DDX42: variants seen among roughly 807,000 people sequenced by gnomAD.
DDX42 encodes the protein DEAD-box helicase 42.
A neutral mutation model predicts 101.5 loss-of-function variants in DDX42; 22 were observed. The ratio of observed to expected loss-of-function variants is 0.22; its 90% CI spans 0.15 to 0.31. The LOEUF is 0.31. Among genes scored for constraint, DDX42 ranks in the 10% least tolerant of loss-of-function variants. The pLI is 1.00. For missense variants in DDX42, 849 were observed against 1,199.9 expected, an observed-to-expected ratio of 0.71 and a Z score of 4.32; for synonymous variants, 402 against 401.2, an observed-to-expected ratio of 1.00 and a Z score of -0.02.
At chr17:63,787,869 A>G (rs922385972) in intron 2 of DDX42, among the ~76,000 whole-genome samples, 8 of 151,710 alleles carry the variant, frequency 5.3e-5, no homozygotes, top group Non-Finnish European at 1.2e-4. Context: ...CCATTGAAAC[A>G]TAAATATGGC....
intron 8 of DDX42, among the ~76,000 whole-genome samples, chr17:63,807,082 GA>G (rs2039851081): frequency 1.3e-5 from 2 of 152,060 alleles, no homozygotes; most frequent in South Asian, 4.1e-4. Context: ...CTTAAGGGGG[GA>G]AAATTTTTAA....
Position 63,787,237 on chromosome 17 carries a change from G to T in DDX42, c.188G>T (p.Gly63Val). The change falls in exon 2 of 18, where the codon GGA (glycine) becomes GTA (valine). Residue 63 changes from glycine (G) to valine (V), a missense_variant. Transcript: ENST00000389924. The part of the protein sequence containing the change: ...PPQLPSFYKI[G>V]SKRANFDEEN... ...CAGCTTCCTTCTTTCTACAAAATTG[G>T]ATCTAAGCGGGCCAACTTTGATGAA... 2 of 1,614,164 alleles carry T rather than the reference G, an allele frequency of 1.2e-6. No homozygotes were observed. The highest frequency in any genetic ancestry group is 1.7e-6 in the Non-Finnish European group (2 of 1,180,014).
intron 6 of DDX42, among the ~76,000 whole-genome samples, chr17:63,802,283 TA>T (rs1567739489): frequency 1.3e-5 from 2 of 152,220 alleles, no homozygotes; most frequent in African/African-American, 4.8e-5. Context: ...TTCTGTGTGA[TA>T]AAATGGGAAG....
intron 2 of DDX42, among the ~76,000 whole-genome samples, chr17:63,787,921 T>TTTGGGAGGCAGAGTTTTGC (rs1212309044): frequency 6.9e-6 from 1 of 144,806 alleles, no homozygotes; most frequent in Admixed American, 6.8e-5. Flanking sequence ...TTTTTTTTTT[T>TTTGGGAGGCAGAGTTTTGC]TGGAGGCAGA....
intron 1 of DDX42, among the ~76,000 whole-genome samples, chr17:63,776,689 C>T (rs2039425543): frequency 6.9e-6 from 1 of 144,780 alleles, no homozygotes; most frequent in South Asian, 2.2e-4. Flanking sequence ...TGGTCTTGAA[C>T]TCCTGAGCTC....
chr17:63,810,463 C>T (rs1282075439), intron 11 of DDX42, 50 bp from the exon 12 acceptor site: 1 of 1,592,526 alleles, frequency 6.3e-7, no homozygotes, highest in South Asian at 1.1e-5. Flanking sequence ...TTCCAGGCTT[C>T]CCAAACTGTA....
At chr17:63,804,656 C>T (rs969436243) in intron 6 of DDX42, among the ~76,000 whole-genome samples, 3 of 152,114 alleles carry the variant, frequency 2.0e-5, no homozygotes, top group Non-Finnish European at 4.4e-5. Context: ...TGTTCAAATT[C>T]GAGGTTTCCT....
chr17:63,791,993 G>C (rs961171954), intron 2 of DDX42, among the ~76,000 whole-genome samples: 5 of 151,088 alleles, frequency 3.3e-5, no homozygotes, highest in Admixed American at 1.3e-4. Flanking sequence ...GTTGCAGGGA[G>C]CCCAGATTGT....
At chr17:63,815,202 A>G (rs1019133584) in intron 15 of DDX42, among the ~76,000 whole-genome samples, 3 of 152,198 alleles carry the variant, frequency 2.0e-5, no homozygotes, top group Admixed American at 6.5e-5. Flanking sequence ...TTTACGTCCA[A>G]TAATACATGG....
In DDX42 at chr17:63,812,149, A is replaced by C. The variant is rs747288192; in HGVS notation, c.1616A>C (p.Lys539Thr). 14 of 1,614,130 alleles carry C rather than the reference A, an allele frequency of 8.7e-6. No homozygotes were observed. In the Admixed American group the frequency reaches 2.2e-4, roughly 25 times the overall value. The change falls in exon 14 of 18, where the codon AAG (lysine) becomes ACG (threonine). Residue 539 changes from lysine to threonine, a missense_variant. Coordinates refer to ENST00000389924, the MANE Select transcript of DDX42 (RefSeq NM_203499.3). ...GATATGGATCAGAGTGAGAGAAACA[A>C]GGTCATTTCAGACTTTAAGAAAAAG... ...HGDMDQSERN[K>T]VISDFKKKDI...
chr17:63,815,570 G>C lies in DDX42; in HGVS notation c.1910G>C (p.Trp637Ser). 6.2e-7 allele frequency: 1 copy of C among 1,613,172 alleles called. No homozygotes were observed. The highest frequency in any genetic ancestry group is 8.5e-7 in the Non-Finnish European group (1 of 1,179,436). ...GAATTTTGTTCAATGCAGAATGCCTGGTTTCGGAAATCTCGATTCAAAGGA... is the reference window on the plus strand; with the variant it reads ...GAATTTTGTTCAATGCAGAATGCCTCGTTTCGGAAATCTCGATTCAAAGGA... ...ELLDLAMQNA[W>S]FRKSRFKGGK... The change falls in exon 16 of 18, where the codon TGG (tryptophan) becomes TCG (serine). Residue 637 changes from tryptophan (W) to serine (S), a missense_variant. Trp to Ser is a radical substitution (Grantham distance 177). This residue lies in a region of DDX42 where 86 missense variants were observed against 160.8 expected (regional missense o/e 0.53). Coordinates refer to ENST00000389924, the MANE Select transcript of DDX42 (RefSeq NM_203499.3).
At chr17:63,794,935 T>TA (rs11352891) in intron 3 of DDX42, among the ~76,000 whole-genome samples, 4,871 of 133,350 alleles carry the variant, frequency 0.037, 270 homozygotes, top group African/African-American at 0.12. Flanking sequence ...GACTCCATCT[T>TA]AAAAAAAAAA....
At chr17:63,807,627 TA>T (rs2039858594) in intron 8 of DDX42, 96 bp from the exon 9 acceptor site, 2 of 1,186,754 alleles carry the variant, frequency 1.7e-6, no homozygotes, top group South Asian at 1.5e-5. Context: ...CCATTGCAAA[TA>T]AAAATGTTAG....
intron 15 of DDX42, 32 bp from the exon 16 acceptor site, chr17:63,815,531 C>T: frequency 1.3e-6 from 2 of 1,528,330 alleles, no homozygotes; most frequent in South Asian, 1.1e-5. Context: ...TTCTCCCTCC[C>T]TTGACTTAAC....
chr17:63,784,225 T>A (rs1393594142), intron 1 of DDX42, among the ~76,000 whole-genome samples: 2 of 152,210 alleles, frequency 1.3e-5, no homozygotes, highest in Non-Finnish European at 2.9e-5. Flanking sequence ...ATAAACAGTT[T>A]TTGGAATTTT....
chr17:63,814,553 T>G (rs771168596), intron 15 of DDX42, among the ~76,000 whole-genome samples: 37 of 152,218 alleles, frequency 2.4e-4, no homozygotes, highest in Non-Finnish European at 5.1e-4. Flanking sequence ...CATTTCTTTT[T>G]GTACCTCAGG....
chr17:63,798,195 C>CCGGGCGCG, intron 4 of DDX42, 96 bp downstream of exon 4: 1 of 1,114,200 alleles, frequency 9.0e-7, no homozygotes, highest in Non-Finnish European at 1.3e-6. Context: ...AAAATATTGA[C>CCGGGCGCG]GTACACTTGT....
upstream of DDX42, chr17:63,773,800 A>G (rs139061005): frequency 6.5e-6 from 1 of 152,692 alleles, no homozygotes; most frequent in African/African-American, 2.4e-5. Context: ...AGTTGACGTC[A>G]CACGGAACCG....
Position 63,774,390 on chromosome 17 carries a change from G to A in DDX42, c.-17+14G>A, listed in dbSNP as rs1415726507. 1.8e-5 allele frequency: 4 copies of A among 227,132 alleles called. 1 individual carries two copies. Among genetic ancestry groups the A allele is most frequent in the Non-Finnish European group, 3.4e-5 (4 of 116,314 alleles). 14.1% of individuals were successfully genotyped at this position (227,132 alleles called of 1,614,324 possible). Reference sequence around the variant, plus strand: ...CCATAGCAGCAGGTTTGTGCGTGGGGTTTCTGGACGCAAGGCCGCCAGTCC... The same window carrying A: ...CCATAGCAGCAGGTTTGTGCGTGGGATTTCTGGACGCAAGGCCGCCAGTCC... On this transcript the variant is annotated intron_variant, in intron 1 of 17. Transcript: ENST00000389924.
Sources: gnomAD v4.1 joint callset for allele counts (sites outside exome capture counted in the v4.1 genomes callset) on GRCh38, gnomAD v4.1.1 for gene constraint, gnomAD v4.1.1 regional missense constraint, MANE v1.5 for transcripts, NCBI Gene and HGNC (gene_info 2026-07-23, HGNC 2026-07-21) for gene names.